SH3PXD2B: variants seen among roughly 807,000 people sequenced by gnomAD.
SH3PXD2B encodes the protein SH3 and PX domains 2B.
Under a neutral mutation model 73.1 loss-of-function variants are expected in SH3PXD2B, and 37 were observed. The observed-to-expected ratio is 0.51, with a 90% CI of 0.39 to 0.67. The LOEUF is 0.67. SH3PXD2B is among the 30% of genes least tolerant of loss of function. The pLI is 0.00. For missense variants in SH3PXD2B, 1,053 were observed against 1,197.8 expected (o/e 0.88, Z 1.78); for synonymous variants, 457 against 480.5 (o/e 0.95, Z 0.64).
Position 172,350,373 on chromosome 5 carries a change from G to T in SH3PXD2B, c.1002C>A (p.Asp334Glu). The T allele has an allele frequency of 6.2e-7, 1 of 1,613,598 alleles. No homozygotes were observed. Among genetic ancestry groups the T allele is most frequent in the Non-Finnish European group, 8.5e-7 (1 of 1,179,974 alleles). ...GCGGGTGTCACTCACTCTGCTTGGC[G>T]TCACCGTCGGGCACCGGGCGGCCTT... ...RFEGRPVPDG[D>E]AKQRSPKMRQ... The change falls in exon 10 of 13, where the codon GAC (aspartate) becomes GAA (glutamate). Residue 334 changes from aspartate to glutamate, a missense_variant. Physicochemically the swap from Asp to Glu is conservative, Grantham distance 45. Coordinates refer to ENST00000311601, the MANE Select transcript of SH3PXD2B (RefSeq NM_001017995.3).
At chr5:172,389,918 A>G (rs1477504867) in intron 4 of SH3PXD2B, among the ~76,000 whole-genome samples, 2 of 151,966 alleles carry the variant, frequency 1.3e-5, no homozygotes, top group Non-Finnish European at 2.9e-5. Flanking sequence ...GGGTCTCACT[A>G]TGTTGCCCAG....
Position 172,350,395 on chromosome 5 carries a change from C to T in SH3PXD2B, c.980G>A (p.Gly327Asp), listed in dbSNP as rs749588401. ...GGCGTCACCGTCGGGCACCGGGCGG[C>T]CTTCAAACCGCCCGTCCCTCTGGCT... ...LSSQRDGRFE[G>D]RPVPDGDAKQ... is the part of the protein sequence containing the mutation. The change falls in exon 10 of 13, where the codon GGC (glycine) becomes GAC (aspartate). Residue 327 changes from glycine (G) to aspartate (D), a missense_variant. Around this residue, in one of 2 missense-constraint regions of SH3PXD2B, gnomAD observed 466 missense variants for 607.1 expected, o/e 0.77. Coordinates refer to ENST00000311601, the MANE Select transcript of SH3PXD2B (RefSeq NM_001017995.3). 5 of 1,613,880 alleles carry T rather than the reference C, an allele frequency of 3.1e-6. No individual in the cohort carries two copies. The South Asian group carries it at 4.4e-5, about 14-fold the overall frequency.
intron 4 of SH3PXD2B, among the ~76,000 whole-genome samples, chr5:172,382,723 T>C (rs1414203367): frequency 6.6e-6 from 1 of 152,120 alleles, no homozygotes; most frequent in African/African-American, 2.4e-5. Flanking sequence ...TCATGCCATT[T>C]CATTATTCTT....
At chr5:172,382,276 A>G (rs1394932366) in intron 4 of SH3PXD2B, 149 bp from the exon 5 acceptor site, 4 of 607,754 alleles carry the variant, frequency 6.6e-6, no homozygotes, top group African/African-American at 5.6e-5. Flanking sequence ...AGATCGCGCC[A>G]CTGCACTCCA....
intron 2 of SH3PXD2B, among the ~76,000 whole-genome samples, chr5:172,413,752 A>G (rs536611680): frequency 6.6e-6 from 1 of 152,378 alleles, no homozygotes; most frequent in African/African-American, 2.4e-5. Context: ...GTATTTTCCC[A>G]GTGACACACC....
At chr5:172,432,932 G>A (rs75224050) in intron 1 of SH3PXD2B, among the ~76,000 whole-genome samples, 21 of 40,550 alleles carry the variant, frequency 5.2e-4, no homozygotes, top group South Asian at 2.9e-3. Flanking sequence ...AAAAGGGGGG[G>A]GGGGGGGAAG....
intron 2 of SH3PXD2B, among the ~76,000 whole-genome samples, chr5:172,416,578 G>A (rs1444283061): frequency 2.0e-5 from 3 of 149,814 alleles, no homozygotes; most frequent in African/African-American, 4.9e-5. Context: ...CGCCCACCTC[G>A]GCCTCCCAAA....
chr5:172,356,515 C>T lies in SH3PXD2B; in HGVS notation c.667+2258G>A, dbSNP rs144123709. On this transcript the variant is annotated intron_variant, in intron 8 of 12. Transcript: ENST00000311601. ...TTAAATCCCCAAGGCCAAGAAATAC[C>T]CAAGGCTCACTCCTCCCAAACCCAC... 1.2e-3 allele frequency among the ~76,000 whole-genome samples: 183 copies of T among 152,228 alleles called. 1 individual carries two copies. Among genetic ancestry groups the T allele is most frequent in the African/African-American group, 4.2e-3 (174 of 41,530 alleles).
chr5:172,363,972 G>C (rs2113325510), intron 6 of SH3PXD2B, among the ~76,000 whole-genome samples: 1 of 152,314 alleles, frequency 6.6e-6, no homozygotes, highest in Admixed American at 6.5e-5. Flanking sequence ...AAGATGTCAA[G>C]GAAGAGGCGA....
chr5:172,382,455 G>C (rs1194906453), intron 4 of SH3PXD2B, among the ~76,000 whole-genome samples: 2 of 152,080 alleles, frequency 1.3e-5, no homozygotes, highest in Non-Finnish European at 2.9e-5. Context: ...AACACAGATC[G>C]TGGAGCCCCA....
At chr5:172,347,768 G>T (rs758604100) in intron 10 of SH3PXD2B, among the ~76,000 whole-genome samples, 108 of 152,272 alleles carry the variant, frequency 7.1e-4, no homozygotes, top group African/African-American at 2.5e-3. Context: ...CAGCGGTGAG[G>T]ATGAAAGGAA....
At chr5:172,347,178 GA>G in intron 11 of SH3PXD2B, 104 bp downstream of exon 11, 2 of 1,157,880 alleles carry the variant, frequency 1.7e-6, no homozygotes, top group Non-Finnish European at 2.6e-6. Context: ...GTGTGGACAG[GA>G]AAGAGAGCAT....
At chr5:172,325,782 G>GTTTT (rs1756435994) in intron 12 of SH3PXD2B, among the ~76,000 whole-genome samples, 1 of 151,990 alleles carries the variant, frequency 6.6e-6, no homozygotes, top group Admixed American at 6.6e-5. Flanking sequence ...GTTTTGTTTT[G>GTTTT]TTTTGTTTTG....
At chr5:172,394,764 A>G (rs1247148615) in intron 3 of SH3PXD2B, 125 bp from the exon 4 acceptor site, 12 of 933,670 alleles carry the variant, frequency 1.3e-5, no homozygotes. Flanking sequence ...CCTGGCTGCG[A>G]TCAAGGTACC....
Position 172,337,519 on chromosome 5 carries a change from A to C in SH3PXD2B, c.*850T>G, listed in dbSNP as rs1272757108. 8 of 985,552 alleles carry C rather than the reference A, an allele frequency of 8.1e-6. No homozygotes were observed. Among genetic ancestry groups the C allele is most frequent in the African/African-American group, 1.7e-5 (1 of 57,376 alleles). The allele number at this position is 985,552 out of a possible 1,614,324, so 61.1% of individuals were successfully genotyped here. On this transcript the variant is annotated 3_prime_UTR_variant, in exon 13 of 13. Transcript: ENST00000311601. ...AGGCACTCAGCAAAGGGGTGCTCAC[A>C]AGGGCACGACTTGTGAATGGGCCTC...
At chr5:172,425,307 G>C (rs1212564063) in intron 1 of SH3PXD2B, among the ~76,000 whole-genome samples, 1 of 152,144 alleles carries the variant, frequency 6.6e-6, no homozygotes, top group Non-Finnish European at 1.5e-5. Flanking sequence ...GGCAGACCCA[G>C]ACCCTGCCCT....
In SH3PXD2B at chr5:172,334,238, A is replaced by G; in HGVS notation, c.*4131T>C. 9.5e-7 allele frequency: 1 copy of G among 1,048,784 alleles called. No individual in the cohort carries two copies. Among genetic ancestry groups the G allele is most frequent in the Non-Finnish European group, 1.1e-6 (1 of 872,484 alleles). 65.0% of individuals were successfully genotyped at this position (1,048,784 alleles called of 1,614,324 possible). On this transcript the variant is annotated 3_prime_UTR_variant, in exon 13 of 13. Transcript: ENST00000311601. Reference sequence around the variant, plus strand: ...CACGGAGCTGGGCAGTCCAGTCTGTAGAAAGGTGCTCTGAAGGAGGTCCAT... The same window carrying G: ...CACGGAGCTGGGCAGTCCAGTCTGTGGAAAGGTGCTCTGAAGGAGGTCCAT...
At chr5:172,364,943 A>G (rs1757481986) in intron 6 of SH3PXD2B, among the ~76,000 whole-genome samples, 1 of 152,116 alleles carries the variant, frequency 6.6e-6, no homozygotes, top group African/African-American at 2.4e-5. Flanking sequence ...GAAGCAGCAC[A>G]GAAGCCCCTT....
At chr5:172,401,631 C>T (rs777052836) in intron 3 of SH3PXD2B, among the ~76,000 whole-genome samples, 12 of 152,238 alleles carry the variant, frequency 7.9e-5, no homozygotes, top group East Asian at 1.9e-4. Flanking sequence ...GGACCCCGAA[C>T]GAAGGGACCA....
Sources: gnomAD v4.1 joint callset for allele counts (sites outside exome capture counted in the v4.1 genomes callset) on GRCh38, gnomAD v4.1.1 for gene constraint, gnomAD v4.1.1 regional missense constraint, MANE v1.5 for transcripts, NCBI Gene and HGNC (gene_info 2026-07-23, HGNC 2026-07-21) for gene names.